The following POU6F2 variants were observed in gnomAD, a reference collection of about 807,000 sequenced individuals.
POU6F2 encodes the protein POU domain, class 6, transcription factor 2.
In POU6F2, 31 loss-of-function variants were observed where a neutral mutation model predicts 71.3. The observed-to-expected ratio is 0.43, with a 90% CI of 0.33 to 0.59. The LOEUF (loss-of-function observed/expected upper bound fraction) is 0.59. POU6F2 is among the 20% of genes least tolerant of loss of function. POU6F2 has a pLI of 0.04. For missense variants in POU6F2, 783 were observed against 856.8 expected (o/e 0.91, Z 1.07); for synonymous variants, 347 against 355.7 (o/e 0.98, Z 0.27).
intron 1 of POU6F2, among the ~76,000 whole-genome samples, chr7:39,005,382 C>T (rs562950076): frequency 3.3e-5 from 5 of 152,058 alleles, no homozygotes; most frequent in African/African-American, 9.6e-5. Context: ...CGAATGCAGC[C>T]GACAACTGCT....
At chr7:39,185,849 A>G (rs945610959) in intron 2 of POU6F2, among the ~76,000 whole-genome samples, 2 of 90,310 alleles carry the variant, frequency 2.2e-5, no homozygotes, top group Admixed American at 1.1e-4. Context: ...GTATATGTAT[A>G]TGTATGTGTA....
At chr7:39,310,032 G>A (rs1439191199) in intron 4 of POU6F2, among the ~76,000 whole-genome samples, 2 of 152,124 alleles carry the variant, frequency 1.3e-5, no homozygotes, top group African/African-American at 4.8e-5. Context: ...TTTGGATGAT[G>A]TGATCACATA....
At chr7:39,033,057 T>C (rs1265756960) in intron 1 of POU6F2, among the ~76,000 whole-genome samples, 6 of 152,158 alleles carry the variant, frequency 3.9e-5, no homozygotes, top group Non-Finnish European at 8.8e-5. Context: ...TTCCTTGGTC[T>C]CTGCCCAGGA....
At chr7:39,295,963 TGAG>T (rs1784837748) in intron 4 of POU6F2, among the ~76,000 whole-genome samples, 1 of 152,196 alleles carries the variant, frequency 6.6e-6, no homozygotes, top group Admixed American at 6.5e-5. Context: ...CAGAAATTAA[TGAG>T]GAGCTAGTGC....
At chr7:39,166,948 T>G (rs937419907) in intron 2 of POU6F2, among the ~76,000 whole-genome samples, 47 of 152,206 alleles carry the variant, frequency 3.1e-4, no homozygotes, top group Admixed American at 2.0e-3. Context: ...TTGGGAAATT[T>G]TTGTGGGTTT....
At chr7:39,238,808 T>C (rs1222299052) in intron 4 of POU6F2, among the ~76,000 whole-genome samples, 4 of 152,110 alleles carry the variant, frequency 2.6e-5, no homozygotes, top group Non-Finnish European at 5.9e-5. Context: ...AAGAGGAAAA[T>C]GGGTGAATAC....
intron 2 of POU6F2, among the ~76,000 whole-genome samples, chr7:39,158,869 A>G (rs1242815832): frequency 1.3e-5 from 2 of 152,122 alleles, no homozygotes; most frequent in East Asian, 3.9e-4. Context: ...CCAAGTTGAC[A>G]TCAAAAAATT....
At chr7:39,058,435 A>G (rs1379023809) in intron 1 of POU6F2, among the ~76,000 whole-genome samples, 2 of 152,204 alleles carry the variant, frequency 1.3e-5, no homozygotes, top group African/African-American at 4.8e-5. Flanking sequence ...CACAGTGCAG[A>G]GGGTCCCATT....
At chr7:39,293,920 G>A (rs892281965) in intron 4 of POU6F2, among the ~76,000 whole-genome samples, 1 of 152,188 alleles carries the variant, frequency 6.6e-6, no homozygotes, top group Non-Finnish European at 1.5e-5. Context: ...GCGAAGACTG[G>A]ATGGGGAGGT....
intron 4 of POU6F2, among the ~76,000 whole-genome samples, chr7:39,244,526 G>T (rs539330672): frequency 6.6e-6 from 1 of 152,160 alleles, no homozygotes; most frequent in South Asian, 2.1e-4. Flanking sequence ...GCTGGAACTG[G>T]TATTAACTTA....
chr7:39,339,888 C>G lies in POU6F2; in HGVS notation c.845C>G (p.Pro282Arg), dbSNP rs1785874943. 6.2e-7 allele frequency: 1 copy of G among 1,613,770 alleles called. No individual in the cohort carries two copies. The highest frequency in any genetic ancestry group is 1.3e-5 in the African/African-American group (1 of 75,016). Residue 282 changes from proline (P) to arginine (R), a missense_variant, in exon 5 of 10, where the codon CCC becomes CGC. Pro to Arg is a moderately radical substitution (Grantham distance 103). Transcript: ENST00000518318. ...QQAPQPQQHQ[P>R]HSHSQNQNQP... ...GCGCCTCAGCCCCAGCAGCACCAAC[C>G]CCACTCCCACTCCCAGAACCAGAAC...
In POU6F2 at chr7:39,019,430, A is replaced by AT. The variant is rs1313287944; in HGVS notation, c.105+41379dup. Among the ~76,000 whole-genome samples, 5 of 151,582 alleles carry AT rather than the reference A, an allele frequency of 3.3e-5. No homozygotes were observed. The East Asian group carries it at 5.8e-4, about 18-fold the overall frequency. On this transcript the variant is annotated intron_variant, in intron 1 of 9. Coordinates refer to ENST00000518318, the MANE Select transcript of POU6F2 (RefSeq NM_001370959.1). ...AATGTTCTTAGATTTTTTTTCCTCC[A>AT]TTTTTTTCTGCTCAACGCCATATGG...
At chr7:39,397,338 AT>A (rs1787193340) in intron 5 of POU6F2, among the ~76,000 whole-genome samples, 2 of 148,042 alleles carry the variant, frequency 1.4e-5, no homozygotes, top group African/African-American at 2.5e-5. Context: ...ATATATATAT[AT>A]AAAATATATA....
intron 1 of POU6F2, among the ~76,000 whole-genome samples, chr7:38,978,633 A>G (rs1788238923): frequency 1.3e-5 from 2 of 152,282 alleles, no homozygotes; most frequent in Middle Eastern, 3.4e-3. Flanking sequence ...CAAATTAAAC[A>G]CTGTCACAAT....
chr7:39,174,194 T>C (rs1400195879), intron 2 of POU6F2, among the ~76,000 whole-genome samples: 4 of 152,216 alleles, frequency 2.6e-5, no homozygotes, highest in Non-Finnish European at 5.9e-5. Context: ...TCCTTTGTAC[T>C]TAGAAAATGT....
chr7:39,327,151 C>T (rs540393317), intron 4 of POU6F2, among the ~76,000 whole-genome samples: 32 of 151,912 alleles, frequency 2.1e-4, no homozygotes, highest in East Asian at 1.6e-3. Flanking sequence ...TGGTGGCGGG[C>T]GCCTGTAGTC....
intron 1 of POU6F2, among the ~76,000 whole-genome samples, chr7:39,072,964 T>C (rs1363601140): frequency 6.6e-6 from 1 of 152,200 alleles, no homozygotes; most frequent in Non-Finnish European, 1.5e-5. Flanking sequence ...ACTGTGAAAG[T>C]AGACAGGCAC....
intron 4 of POU6F2, among the ~76,000 whole-genome samples, chr7:39,336,593 T>C (rs189639029): frequency 7.9e-4 from 120 of 152,344 alleles, no homozygotes; most frequent in African/African-American, 2.8e-3. Context: ...CCCTGCTGCT[T>C]CCTTCCTCCT....
chr7:39,441,199 A>G (rs1169296465), intron 7 of POU6F2, among the ~76,000 whole-genome samples: 1 of 151,808 alleles, frequency 6.6e-6, no homozygotes, highest in Non-Finnish European at 1.5e-5. Flanking sequence ...GGACCTGTTA[A>G]ACGTGTAAAA....
Sources: allele counts gnomAD v4.1 joint callset (sites outside exome capture counted in the v4.1 genomes callset), GRCh38; gene constraint gnomAD v4.1.1; transcripts MANE v1.5; gene names NCBI Gene and HGNC (gene_info 2026-07-23, HGNC 2026-07-21).